DMD: variants seen among roughly 807,000 people sequenced by gnomAD.
DMD encodes mutant dystrophin.
Under a neutral mutation model 330.1 loss-of-function variants are expected in DMD, and 63 were observed. That is an observed-to-expected ratio of 0.19 (90% confidence interval 0.16 to 0.24). DMD has a LOEUF of 0.24. Ranked by LOEUF, DMD falls within the 10% of genes least tolerant of loss-of-function variation. The pLI, the probability that DMD is intolerant of heterozygous loss-of-function variation, is 1.00. For missense variants in DMD, 3,344 were observed against 2,684.1 expected (o/e 1.25, Z -5.43); for synonymous variants, 1,223 against 959.8 (o/e 1.27, Z -5.07).
At chrX:32,221,608 G>T (rs2097132297) in intron 43 of DMD, among the ~76,000 whole-genome samples, 1 of 111,462 alleles carries the variant, frequency 9.0e-6, no homozygotes, top group African/African-American at 3.3e-5. Context: ...TTGGTTACAT[G>T]AATGAATTGT....
Position 32,133,202 on chromosome X carries a change from T to C in DMD, c.6438+83714A>G, listed in dbSNP as rs756922065. ...TTTGTATTTTTAGTAGAGATGGGGT[T>C]TCACCATGTTGGCCAGGCTGGTCTC... On this transcript the variant is annotated intron_variant, in intron 44 of 78. Coordinates refer to ENST00000357033, the MANE Select transcript of DMD (RefSeq NM_004006.3). Among the ~76,000 whole-genome samples, 16 of 109,008 alleles carry C rather than the reference T, an allele frequency of 1.5e-4. No individual in the cohort carries two copies. In the South Asian group the frequency reaches 6.5e-3, roughly 44 times the overall value. 94.7% of individuals were successfully genotyped at this position (109,008 alleles called of 115,157 possible). A position where few individuals can be genotyped will look rare whatever the true frequency, so the allele number is the denominator to read the frequency against.
At chrX:31,972,878 A>C (rs2095409918) in intron 44 of DMD, among the ~76,000 whole-genome samples, 1 of 111,464 alleles carries the variant, frequency 9.0e-6, no homozygotes, top group South Asian at 3.7e-4. Flanking sequence ...TTTTATCCTA[A>C]GGTCATTCTC....
At chrX:32,128,551 C>T (rs761554214) in intron 44 of DMD, among the ~76,000 whole-genome samples, 79 of 111,864 alleles carry the variant, frequency 7.1e-4, no homozygotes, top group Non-Finnish European at 1.1e-3. Context: ...CTAAACATAG[C>T]GTTTTATGGT....
chrX:33,258,206 T>C (rs1191295836), intron 1 of DMD, among the ~76,000 whole-genome samples: 1 of 111,572 alleles, frequency 9.0e-6, no homozygotes, highest in African/African-American at 3.2e-5. Context: ...TTACATTCTA[T>C]ATTGTGGTAG....
chrX:31,641,269 A>C (rs2148505342), intron 54 of DMD, among the ~76,000 whole-genome samples: 1 of 111,534 alleles, frequency 9.0e-6, no homozygotes, highest in African/African-American at 3.3e-5. Flanking sequence ...TGGGAGGCCA[A>C]GGTGGGTGGA....
intron 1 of DMD, among the ~76,000 whole-genome samples, chrX:33,154,433 C>T (rs1026780051): frequency 1.8e-5 from 2 of 111,264 alleles, no homozygotes; most frequent in Non-Finnish European, 3.8e-5. Context: ...GGTCTCAGAG[C>T]TCCTGTTTCT....
rs190048467 is a variant in DMD at position 32,550,610 on chromosome X, G to A, written c.1993-5276C>T. 6.7e-3 allele frequency among the ~76,000 whole-genome samples: 742 copies of A among 110,398 alleles called. 8 individuals carry two copies. Among genetic ancestry groups the A allele is most frequent in the Middle Eastern group, 0.023 (5 of 214 alleles). ...CAATAGCAAACTAACCCCAAAGCTA[G>A]AAGACAGGAAATAACCAAAATCGGA... is the stretch of plus-strand genomic sequence containing the variant. On this transcript the variant is annotated intron_variant, in intron 16 of 78. Transcript: ENST00000357033.
At chrX:31,383,901 T>C (rs2060308867) in intron 60 of DMD, among the ~76,000 whole-genome samples, 1 of 111,512 alleles carries the variant, frequency 9.0e-6, no homozygotes, top group Non-Finnish European at 1.9e-5. Context: ...TCCCCCGCAT[T>C]TACCATCTCC....
chrX:32,880,808 G>A (rs1179253001), intron 2 of DMD, among the ~76,000 whole-genome samples: 1 of 112,075 alleles, frequency 8.9e-6, no homozygotes, highest in Non-Finnish European at 1.9e-5. Context: ...GCCAGGTGTG[G>A]TGACGCATGC....
At chrX:33,242,073 A>AT (rs2052594563) in intron 1 of DMD, among the ~76,000 whole-genome samples, 2 of 111,791 alleles carry the variant, frequency 1.8e-5, no homozygotes, top group East Asian at 5.7e-4. Flanking sequence ...GTTCCTAAGT[A>AT]TTTTTTGTAG....
intron 44 of DMD, among the ~76,000 whole-genome samples, chrX:32,016,109 G>T (rs7051705): frequency 0.012 from 1,335 of 111,804 alleles, 27 homozygotes; most frequent in African/African-American, 0.041. Flanking sequence ...CAGTTTAGAG[G>T]TCTATTAAAT....
intron 62 of DMD, among the ~76,000 whole-genome samples, chrX:31,318,189 G>C (rs1179756810): frequency 8.9e-6 from 1 of 112,028 alleles, no homozygotes; most frequent in East Asian, 2.8e-4. Context: ...GTGGTGTCAA[G>C]ATTCAGATGC....
intron 1 of DMD, among the ~76,000 whole-genome samples, chrX:33,038,260 T>G (rs1489376430): frequency 1.8e-5 from 2 of 111,973 alleles, no homozygotes. Flanking sequence ...TTTGCATTAG[T>G]GCATACCTCC....
At chrX:31,715,270 C>A (rs777020516) in intron 52 of DMD, among the ~76,000 whole-genome samples, 2 of 109,187 alleles carry the variant, frequency 1.8e-5, no homozygotes, top group South Asian at 8.1e-4. Flanking sequence ...GCTGGCCGGG[C>A]GCGGTGGCTC....
At chrX:32,738,425 T>C (rs2068803231) in intron 7 of DMD, among the ~76,000 whole-genome samples, 1 of 111,807 alleles carries the variant, frequency 8.9e-6, no homozygotes, top group Non-Finnish European at 1.9e-5. Flanking sequence ...TTCCTTTCTC[T>C]CCTCAACAGT....
chrX:31,634,324 CA>C (rs776355809), intron 54 of DMD, among the ~76,000 whole-genome samples: 25 of 111,799 alleles, frequency 2.2e-4, no homozygotes, highest in Admixed American at 3.8e-4. Flanking sequence ...CTAAATTACT[CA>C]AACTCTCCAG....
At chrX:32,212,892 C>A (rs181497040) in intron 44 of DMD, among the ~76,000 whole-genome samples, 181 of 110,606 alleles carry the variant, frequency 1.6e-3, no homozygotes, top group Middle Eastern at 9.4e-3. Context: ...CTTTTACTTG[C>A]GACAGAGGAA....
At chrX:32,479,213 G>A (rs1005207260) in intron 21 of DMD, among the ~76,000 whole-genome samples, 1 of 111,108 alleles carries the variant, frequency 9.0e-6, no homozygotes, top group Non-Finnish European at 1.9e-5. Flanking sequence ...TTTGATCTAT[G>A]TATGCATTGT....
At chrX:31,530,409 C>A (rs766259971) in intron 55 of DMD, among the ~76,000 whole-genome samples, 1 of 111,859 alleles carries the variant, frequency 8.9e-6, no homozygotes, top group South Asian at 3.7e-4. Flanking sequence ...TCTGGGAGCT[C>A]CTAAGGGCTG....
Sources: allele counts gnomAD v4.1 joint callset (sites outside exome capture counted in the v4.1 genomes callset), GRCh38; gene constraint gnomAD v4.1.1; transcripts MANE v1.5; gene names NCBI Gene and HGNC (gene_info 2026-07-23, HGNC 2026-07-21).